The following DDR2 variants were observed in gnomAD, a reference collection of about 807,000 sequenced individuals.
DDR2 encodes the protein discoidin domain receptor tyrosine kinase 2.
A neutral mutation model predicts 94.9 loss-of-function variants in DDR2; 27 were observed. The observed-to-expected ratio is 0.28, with a 90% CI of 0.21 to 0.39. DDR2 has a LOEUF of 0.39. Among genes scored for constraint, DDR2 ranks in the 10% least tolerant of loss-of-function variants. The probability of loss-of-function intolerance (pLI) is 1.00; values close to 1 mark genes in which losing one functional copy is unlikely to be tolerated. For missense variants in DDR2, 783 were observed against 1,076.0 expected, an observed-to-expected ratio of 0.73 and a Z score of 3.81; for synonymous variants, 382 against 377.2, an observed-to-expected ratio of 1.01 and a Z score of -0.15.
chr1:162,716,154 G>T (rs1037527875), intron 2 of DDR2, among the ~76,000 whole-genome samples: 7 of 152,198 alleles, frequency 4.6e-5, no homozygotes, highest in African/African-American at 1.7e-4. Flanking sequence ...GTGAAGGAAA[G>T]AAAGGAAATG....
At chr1:162,703,565 A>AG (rs1412539120) in intron 2 of DDR2, among the ~76,000 whole-genome samples, 1 of 152,204 alleles carries the variant, frequency 6.6e-6, no homozygotes, top group Non-Finnish European at 1.5e-5. Flanking sequence ...AATGTTAAAA[A>AG]GGGAACAAAA....
intron 13 of DDR2, 112 bp downstream of exon 13, chr1:162,772,359 A>C: frequency 8.9e-7 from 1 of 1,117,344 alleles, no homozygotes; most frequent in Non-Finnish European, 1.3e-6. Context: ...TGTCTCTTCC[A>C]TTTGTCTCTC....
chr1:162,682,843 GAC>G (rs1456808089), intron 2 of DDR2, among the ~76,000 whole-genome samples: 1 of 152,096 alleles, frequency 6.6e-6, no homozygotes, highest in Non-Finnish European at 1.5e-5. Context: ...TTAAAAACAT[GAC>G]CCAACTATGT....
At chr1:162,685,210 A>G (rs1272166369) in intron 2 of DDR2, among the ~76,000 whole-genome samples, 2 of 152,206 alleles carry the variant, frequency 1.3e-5, no homozygotes, top group Non-Finnish European at 2.9e-5. Flanking sequence ...GAGGATTTGA[A>G]GAAATCATTT....
intron 3 of DDR2, among the ~76,000 whole-genome samples, chr1:162,732,780 A>G (rs774150292): frequency 3.0e-4 from 46 of 152,248 alleles, no homozygotes; most frequent in Admixed American, 5.2e-4. Flanking sequence ...ACACTCATTG[A>G]CGGGGAGCCC....
intron 1 of DDR2, among the ~76,000 whole-genome samples, chr1:162,650,974 C>T (rs897007181): frequency 9.2e-5 from 14 of 152,200 alleles, no homozygotes; most frequent in African/African-American, 3.4e-4. Context: ...AGTGATCCAC[C>T]TGCCTTGGCC....
chr1:162,714,322 C>T (rs1337619136), intron 2 of DDR2, among the ~76,000 whole-genome samples: 1 of 151,932 alleles, frequency 6.6e-6, no homozygotes, highest in African/African-American at 2.4e-5. Context: ...TTTTGCTTTC[C>T]ATGTCTCATT....
At position 162,755,698 on chromosome 1, in the gene DDR2, G is replaced by A. The variant is rs1558067690; in HGVS notation, c.600G>A (p.Gln200=). 2 of 1,614,178 alleles carry A rather than the reference G, an allele frequency of 1.2e-6. No homozygotes were observed. Among genetic ancestry groups the A allele is most frequent in the Non-Finnish European group, 1.7e-6 (2 of 1,180,010 alleles). Residue 200 remains glutamine, a synonymous_variant, in exon 7 of 18, where the codon CAG becomes CAA. Coordinates refer to ENST00000367921, the MANE Select transcript of DDR2 (RefSeq NM_006182.4). The stretch of plus-strand genomic sequence containing the variant: ...TGTCTTACAATGCTCCAGCTGGGCA[G>A]CAGTTTGTACTCCCTGGAGGTTCCA... ...GLVSYNAPAG[Q]QFVLPGGSII...
intron 7 of DDR2, among the ~76,000 whole-genome samples, chr1:162,756,562 C>A (rs1044447366): frequency 3.3e-5 from 5 of 152,200 alleles, no homozygotes; most frequent in Admixed American, 6.5e-5. Flanking sequence ...CAAAGTGAGC[C>A]TGGGAGAGAA....
intron 7 of DDR2, among the ~76,000 whole-genome samples, chr1:162,758,263 G>A (rs909511952): frequency 6.6e-6 from 1 of 152,168 alleles, no homozygotes; most frequent in South Asian, 2.1e-4. Context: ...TGAGTGAAGA[G>A]ATCCTCTCAG....
At chr1:162,680,611 G>A (rs534593449) in intron 2 of DDR2, among the ~76,000 whole-genome samples, 1 of 152,098 alleles carries the variant, frequency 6.6e-6, no homozygotes, top group Non-Finnish European at 1.5e-5. Context: ...CTTTCTTGTT[G>A]AAGACTTCAG....
At chr1:162,731,090 T>C (rs1210200991) in intron 3 of DDR2, among the ~76,000 whole-genome samples, 1 of 152,200 alleles carries the variant, frequency 6.6e-6, no homozygotes, top group African/African-American at 2.4e-5. Context: ...AAGTAGATGA[T>C]TTATGAATTT....
chr1:162,700,456 C>G (rs539863755), intron 2 of DDR2, among the ~76,000 whole-genome samples: 41 of 152,244 alleles, frequency 2.7e-4, no homozygotes, highest in Admixed American at 2.6e-4. Flanking sequence ...ATTGAAGATT[C>G]ACACTTGGGG....
intron 2 of DDR2, among the ~76,000 whole-genome samples, chr1:162,657,235 C>T (rs923514962): frequency 1.3e-5 from 2 of 152,122 alleles, no homozygotes; most frequent in African/African-American, 4.8e-5. Flanking sequence ...TTTTGGTGCA[C>T]TCCTCCACCC....
chr1:162,701,578 A>G (rs1660433102), intron 2 of DDR2, among the ~76,000 whole-genome samples: 1 of 152,220 alleles, frequency 6.6e-6, no homozygotes, highest in African/African-American at 2.4e-5. Context: ...AGACACATAG[A>G]TTATTAAAAC....
rs2102134386 is a variant in DDR2, at chr1:162,754,792, C to T, written c.354C>T (p.Tyr118=). 6.2e-7 allele frequency: 1 copy of T among 1,614,054 alleles called. No homozygotes were observed. Among genetic ancestry groups the T allele is most frequent in the Non-Finnish European group, 8.5e-7 (1 of 1,180,002 alleles). Reference sequence around the variant, plus strand: ...ATGGCATCGAGTTTGCCCCCATGTACAAGATCAATTACAGTCGGGATGGCA... The same window carrying T: ...ATGGCATCGAGTTTGCCCCCATGTATAAGATCAATTACAGTCGGGATGGCA... ...GGHGIEFAPM[Y]KINYSRDGTR... The change falls in exon 5 of 18, where the codon TAC becomes TAT. Residue 118 remains tyrosine (Y), a synonymous_variant. Coordinates refer to ENST00000367921, the MANE Select transcript of DDR2 (RefSeq NM_006182.4).
chr1:162,744,205 T>C (rs1662742720), intron 3 of DDR2, among the ~76,000 whole-genome samples: 1 of 152,196 alleles, frequency 6.6e-6, no homozygotes. Flanking sequence ...TTAAGTGTAA[T>C]ATACCGTATC....
intron 11 of DDR2, among the ~76,000 whole-genome samples, chr1:162,767,946 C>T (rs1368931088): frequency 1.3e-5 from 2 of 152,168 alleles, no homozygotes; most frequent in Non-Finnish European, 2.9e-5. Flanking sequence ...TCTTCAGACT[C>T]TGTCTATGCC....
intron 2 of DDR2, among the ~76,000 whole-genome samples, chr1:162,678,469 A>T (rs1275516048): frequency 1.3e-5 from 2 of 152,294 alleles, no homozygotes; most frequent in Non-Finnish European, 1.5e-5. Context: ...ATCCTCTGGG[A>T]TTTAGCACTA....
Sources: gnomAD v4.1 joint callset for allele counts (sites outside exome capture counted in the v4.1 genomes callset) on GRCh38, gnomAD v4.1.1 for gene constraint, MANE v1.5 for transcripts, NCBI Gene and HGNC (gene_info 2026-07-23, HGNC 2026-07-21) for gene names.